The following MFHAS1 variants were observed in gnomAD, a reference collection of about 807,000 sequenced individuals.
MFHAS1 encodes multifunctional ROCO family signaling regulator 1, also known as malignant fibrous histiocytoma-amplified sequence 1.
MFHAS1 carries 50 observed loss-of-function variants against 70.4 expected under a neutral mutation model. The observed-to-expected ratio is 0.71, with a 90% CI of 0.57 to 0.90. MFHAS1 has a LOEUF of 0.90. Among genes scored for constraint, MFHAS1 ranks in the 40% least tolerant of loss-of-function variants. The probability of loss-of-function intolerance (pLI) is 0.00; values close to 1 mark genes in which losing one functional copy is unlikely to be tolerated. For missense variants in MFHAS1, 1,795 were observed against 1,347.6 expected (o/e 1.33, Z -5.20); for synonymous variants, 952 against 620.0 (o/e 1.54, Z -7.96).
intron 1 of MFHAS1, among the ~76,000 whole-genome samples, chr8:8,881,264 A>T (rs2116929325): frequency 6.6e-6 from 1 of 152,340 alleles, no homozygotes; most frequent in Middle Eastern, 3.4e-3. Context: ...GCCAAAAATA[A>T]AAATAACTCA....
chr8:8,893,103 C>A lies in MFHAS1; in HGVS notation c.-45G>T. 1 of 1,343,632 alleles carries A rather than the reference C, an allele frequency of 7.4e-7. No homozygotes were observed. Among genetic ancestry groups the A allele is most frequent in the Non-Finnish European group, 9.7e-7 (1 of 1,035,160 alleles). The allele number at this position is 1,343,632 out of a possible 1,614,324, so 83.2% of individuals were successfully genotyped here. ...AGCCTCACGCGGACGCGGGAGCCCGCAGCTACATGCCGCGCCGCGCCCCGG... is the reference window on the plus strand; with the variant it reads ...AGCCTCACGCGGACGCGGGAGCCCGAAGCTACATGCCGCGCCGCGCCCCGG... On this transcript the variant is annotated 5_prime_UTR_variant, in exon 1 of 3. Transcript: ENST00000276282.
chr8:8,801,555 A>C (rs918792240), intron 1 of MFHAS1, among the ~76,000 whole-genome samples: 2 of 152,254 alleles, frequency 1.3e-5, no homozygotes, highest in Non-Finnish European at 2.9e-5. Flanking sequence ...TTAAGAACAT[A>C]AGAAAAACAG....
chr8:8,836,994 A>G lies in MFHAS1; in HGVS notation c.2999-39503T>C, dbSNP rs189807924. ...TCATGACCAAAACATAGTTTCATGCAAAAGAGATTTTAAGCATTTTTGTAC... is the reference window on the plus strand; with the variant it reads ...TCATGACCAAAACATAGTTTCATGCGAAAGAGATTTTAAGCATTTTTGTAC... On this transcript the variant is annotated intron_variant, in intron 1 of 2. Transcript: ENST00000276282. Among the ~76,000 whole-genome samples, 67 of 152,358 alleles carry G rather than the reference A, an allele frequency of 4.4e-4. 2 individuals carry two copies. Among genetic ancestry groups the G allele is most frequent in the Non-Finnish European group, 7.3e-5 (5 of 68,040 alleles).
At chr8:8,832,425 TCACACACA>T (rs35913215) in intron 1 of MFHAS1, among the ~76,000 whole-genome samples, 5,450 of 143,676 alleles carry the variant, frequency 0.038, 198 homozygotes, top group African/African-American at 0.098. Context: ...ACAAGATACT[TCACACACA>T]CACACACACA....
intron 1 of MFHAS1, among the ~76,000 whole-genome samples, chr8:8,849,535 T>C (rs962297757): frequency 5.3e-5 from 8 of 152,186 alleles, no homozygotes; most frequent in East Asian, 1.9e-4. Flanking sequence ...GTGGGGTTAT[T>C]ATAAAGATAT....
chr8:8,849,064 CTTTTTTTTTTTTTTT>C lies in MFHAS1; in HGVS notation c.2998+40982_2998+40996del, dbSNP rs145250762. ...TCTGCAGCAATTAATTCCTTTTTAC[CTTTTTTTTTTTTTTT>C]TTTTTTTTTTTTTTTTGGAGACATA... On this transcript the variant is annotated intron_variant, in intron 1 of 2. Coordinates refer to ENST00000276282, the MANE Select transcript of MFHAS1 (RefSeq NM_004225.3). Among the ~76,000 whole-genome samples, 10 of 75,772 alleles carry C rather than the reference CTTTTTTTTTTTTTTT, an allele frequency of 1.3e-4. 1 individual carries two copies. The highest frequency in any genetic ancestry group is 1.4e-4 in the African/African-American group (3 of 20,902). The allele number at this position is 75,772 out of a possible 152,430, so 49.7% of individuals were successfully genotyped here.
intron 1 of MFHAS1, among the ~76,000 whole-genome samples, chr8:8,825,995 T>C (rs780745003): frequency 2.4e-4 from 36 of 152,316 alleles, no homozygotes; most frequent in Non-Finnish European, 4.7e-4. Context: ...TTAAATGACC[T>C]GGTTCTGAGT....
At chr8:8,786,482 G>C (rs77474828) in intron 2 of MFHAS1, among the ~76,000 whole-genome samples, 5,140 of 152,256 alleles carry the variant, frequency 0.034, 133 homozygotes, top group Non-Finnish European at 0.052. Flanking sequence ...TAAAAAGTGA[G>C]ATGTCTGTCT....
At chr8:8,888,626 C>T (rs1027794921) in intron 1 of MFHAS1, among the ~76,000 whole-genome samples, 1 of 151,856 alleles carries the variant, frequency 6.6e-6, no homozygotes, top group Non-Finnish European at 1.5e-5. Flanking sequence ...TAACCAGGCT[C>T]AAAAGAAAAA....
At chr8:8,813,168 G>A (rs150509303) in intron 1 of MFHAS1, among the ~76,000 whole-genome samples, 17 of 152,296 alleles carry the variant, frequency 1.1e-4, no homozygotes, top group Admixed American at 3.3e-4. Context: ...TAGTGATGTC[G>A]TAGAGCAATG....
At chr8:8,834,372 C>G (rs1376706539) in intron 1 of MFHAS1, among the ~76,000 whole-genome samples, 1 of 152,194 alleles carries the variant, frequency 6.6e-6, no homozygotes, top group Non-Finnish European at 1.5e-5. Flanking sequence ...TAGGCCTTCA[C>G]ATTTACTCAT....
chr8:8,858,793 C>G (rs1808550490), intron 1 of MFHAS1, among the ~76,000 whole-genome samples: 1 of 152,108 alleles, frequency 6.6e-6, no homozygotes, highest in Non-Finnish European at 1.5e-5. Flanking sequence ...CAGTTCAAAT[C>G]TATGTTGTTC....
intron 1 of MFHAS1, among the ~76,000 whole-genome samples, chr8:8,820,638 G>C (rs1438862935): frequency 6.6e-6 from 1 of 152,086 alleles, no homozygotes; most frequent in Non-Finnish European, 1.5e-5. Context: ...TTGAGGAAAT[G>C]AGGCTACACG....
chr8:8,838,116 G>C (rs1807669743), intron 1 of MFHAS1, among the ~76,000 whole-genome samples: 1 of 152,250 alleles, frequency 6.6e-6, no homozygotes, highest in Non-Finnish European at 1.5e-5. Flanking sequence ...AACACCTCAA[G>C]AGTGAGTGTC....
chr8:8,886,652 AAG>A (rs1468852937), intron 1 of MFHAS1, among the ~76,000 whole-genome samples: 7 of 152,356 alleles, frequency 4.6e-5, no homozygotes, highest in Non-Finnish European at 1.0e-4. Flanking sequence ...GTATAAAATC[AAG>A]AGAGACAGTA....
At chr8:8,798,332 G>A (rs750875735) in intron 1 of MFHAS1, among the ~76,000 whole-genome samples, 1 of 152,062 alleles carries the variant, frequency 6.6e-6, no homozygotes, top group Non-Finnish European at 1.5e-5. Context: ...TAAATTTTTT[G>A]TTGTTGTTTT....
At chr8:8,866,389 G>A (rs1440081432) in intron 1 of MFHAS1, among the ~76,000 whole-genome samples, 1 of 151,164 alleles carries the variant, frequency 6.6e-6, no homozygotes, top group East Asian at 1.9e-4. Context: ...CGTAATCTCA[G>A]CTCACCGTAG....
Position 8,784,842 on chromosome 8 carries a change from T to A in MFHAS1, c.*1180A>T, listed in dbSNP as rs1021737338. 3.9e-5 allele frequency: 6 copies of A among 152,202 alleles called. No individual in the cohort carries two copies. Among genetic ancestry groups the A allele is most frequent in the African/African-American group, 1.4e-4 (6 of 41,446 alleles). 9.4% of individuals were successfully genotyped at this position (152,202 alleles called of 1,614,324 possible). ...GTAGAATGGAGAGCAATTTGTTTGG[T>A]TGGCTTTTTAAGTTTTACCTTGTGA... On this transcript the variant is annotated 3_prime_UTR_variant, in exon 3 of 3. Coordinates refer to ENST00000276282, the MANE Select transcript of MFHAS1 (RefSeq NM_004225.3).
At chr8:8,825,482 G>T (rs189558864) in intron 1 of MFHAS1, among the ~76,000 whole-genome samples, 1 of 152,220 alleles carries the variant, frequency 6.6e-6, no homozygotes, top group African/African-American at 2.4e-5. Context: ...CTAAGAACAG[G>T]TATTTATTTT....
Sources: gnomAD v4.1 joint callset for allele counts (sites outside exome capture counted in the v4.1 genomes callset) on GRCh38, gnomAD v4.1.1 for gene constraint, MANE v1.5 for transcripts, NCBI Gene and HGNC (gene_info 2026-07-23, HGNC 2026-07-21) for gene names.